DHX58: variants seen among roughly 807,000 people sequenced by gnomAD.
DHX58 encodes DExH-box helicase 58.
A neutral mutation model predicts 65.0 loss-of-function variants in DHX58; 51 were observed. That is an observed-to-expected ratio of 0.78 (90% CI 0.63 to 0.99). DHX58 has a LOEUF of 0.99. DHX58 is among the 50% of genes least tolerant of loss of function. The probability of loss-of-function intolerance (pLI) is 0.00; values close to 1 mark genes in which losing one functional copy is unlikely to be tolerated. For synonymous variants in DHX58, 350 were observed against 365.0 expected, an observed-to-expected ratio of 0.96 and a Z score of 0.47; for missense variants, 773 against 891.8, an observed-to-expected ratio of 0.87 and a Z score of 1.70.
At position 42,103,725 on chromosome 17, in the gene DHX58, T is replaced by C. The variant is rs112616358; in HGVS notation, c.1637A>G (p.Gln546Arg). ...QAAQRENQRQ[Q>R]FPVEHVQLLC... is the part of the protein sequence containing the mutation. ...TAGCTGCACGTGCTCCACTGGGAACTGCTGCCGCTGGTTCTCCCGCTGGGC... is the reference window on the plus strand; with the variant it reads ...TAGCTGCACGTGCTCCACTGGGAACCGCTGCCGCTGGTTCTCCCGCTGGGC... Residue 546 changes from glutamine to arginine, a missense_variant, in exon 12 of 14, where the codon CAG (glutamine) becomes CGG (arginine). By Grantham distance (43) the Gln-to-Arg change is conservative (BLOSUM62 1). Coordinates refer to ENST00000251642, the MANE Select transcript of DHX58 (RefSeq NM_024119.3). 33,203 of 1,613,580 alleles carry C rather than the reference T, an allele frequency of 0.021. 383 individuals are homozygous for C. The highest frequency in any genetic ancestry group is 0.024 in the Non-Finnish European group (28,474 of 1,180,018).
rs541581567 is a variant in DHX58 at position 42,107,959 on chromosome 17, G to A, written c.805+23C>T. 5 of 1,611,990 alleles carry A rather than the reference G, an allele frequency of 3.1e-6. No individual in the cohort carries two copies. The South Asian group carries it at 3.3e-5, about 11-fold the overall frequency. On this transcript the variant is annotated intron_variant, in intron 7 of 13. Transcript: ENST00000251642. ...TGACCACTCCCACATCCTCGCCTCC[G>A]CCAGAAGGGCTGCCCCTCTCACCAG...
In DHX58 at chr17:42,107,691, C is replaced by G; in HGVS notation, c.910G>C (p.Ala304Pro). 6.2e-7 allele frequency: 1 copy of G among 1,612,834 alleles called. No homozygotes were observed. Among genetic ancestry groups the G allele is most frequent in the Non-Finnish European group, 8.5e-7 (1 of 1,179,506 alleles). Reference protein sequence around the residue: ...HDTVRAVDALAALQDFYHREH... With the variant: ...HDTVRAVDALPALQDFYHREH... Reference sequence around the variant, plus strand: ...CTGTGATAGAAATCCTGCAGCGCAGCCAAGGCATCCACGGCGCGGACGGTG... The same window carrying G: ...CTGTGATAGAAATCCTGCAGCGCAGGCAAGGCATCCACGGCGCGGACGGTG... Residue 304 changes from alanine (A) to proline (P), a missense_variant, in exon 8 of 14, where the codon GCT becomes CCT. By Grantham distance (27) the Ala-to-Pro change is conservative. Coordinates refer to ENST00000251642, the MANE Select transcript of DHX58 (RefSeq NM_024119.3).
intron 5 of DHX58, among the ~76,000 whole-genome samples, chr17:42,110,080 G>A (rs1233810007): frequency 6.6e-5 from 10 of 151,756 alleles, no homozygotes; most frequent in African/African-American, 1.5e-4. Context: ...CCAGCTACTC[G>A]GGAGGCTGAG....
chr17:42,107,064 C>T (rs1818959238), intron 8 of DHX58, among the ~76,000 whole-genome samples: 1 of 151,880 alleles, frequency 6.6e-6, no homozygotes, highest in African/African-American at 2.4e-5. Context: ...CCTAGCTAAT[C>T]CTTTTAAAAA....
Position 42,102,121 on chromosome 17 carries a change from G to A in DHX58, c.1851+95C>T, listed in dbSNP as rs952940327. On this transcript the variant is annotated intron_variant, in intron 13 of 13. Transcript: ENST00000251642. ...CTCTTCAGACTGGAGGCCATGGGGT[G>A]GGACTGTCTCCCGTGTCCTAGTGAG... 16 of 1,479,768 alleles carry A rather than the reference G, an allele frequency of 1.1e-5. No homozygotes were observed. The South Asian group carries it at 1.7e-4, about 16-fold the overall frequency. The allele number at this position is 1,479,768 out of a possible 1,614,324, so 91.7% of individuals were successfully genotyped here. A position where few individuals can be genotyped will look rare whatever the true frequency, so the allele number is the denominator to read the frequency against.
At chr17:42,106,103 G>C (rs2054053926) in intron 8 of DHX58, 114 bp from the exon 9 acceptor site, 1 of 1,125,336 alleles carries the variant, frequency 8.9e-7, no homozygotes, top group African/African-American at 1.6e-5. Context: ...AGGCTGAAGA[G>C]AGCTATGATT....
At chr17:42,111,242 GCGA>G (rs1166963786) in intron 4 of DHX58, 51 bp downstream of exon 4, 2 of 1,576,528 alleles carry the variant, frequency 1.3e-6, no homozygotes, top group Non-Finnish European at 1.7e-6. Context: ...CCTGGGGTTG[GCGA>G]AAGGAGGTAC....
intron 6 of DHX58, 41 bp downstream of exon 6, chr17:42,109,229 A>G: frequency 6.4e-7 from 1 of 1,569,618 alleles, no homozygotes; most frequent in Non-Finnish European, 8.7e-7. Context: ...TCCTAACTTC[A>G]CACCGGCTCC....
intron 7 of DHX58, 37 bp downstream of exon 7, chr17:42,107,945 A>G (rs1555663171): frequency 6.2e-7 from 1 of 1,602,238 alleles, no homozygotes; most frequent in African/African-American, 1.4e-5. Flanking sequence ...GACCACTCCC[A>G]CATCCTCGCC....
rs571233642 is a variant in DHX58, at chr17:42,111,829, T to C, written c.64A>G (p.Ile22Val). The stretch of plus-strand genomic sequence containing the variant: ...TTCCCGGCACCCGTGGGCAGCCAGA[T>C]GATGATATTCTTGCCCTCCAGGGCA... ...MPALEGKNII[I>V]WLPTGAGKTR... is the part of the protein sequence containing the mutation. Residue 22 changes from isoleucine (I) to valine (V), a missense_variant, in exon 3 of 14, where the codon ATC becomes GTC. Coordinates refer to ENST00000251642, the MANE Select transcript of DHX58 (RefSeq NM_024119.3). 4.5e-5 allele frequency: 72 copies of C among 1,614,116 alleles called. 1 individual carries two copies. In the South Asian group the frequency reaches 7.0e-4, roughly 16 times the overall value.
At chr17:42,111,622 G>A (rs1332209256) in intron 3 of DHX58, 103 bp downstream of exon 3, 3 of 1,568,318 alleles carry the variant, frequency 1.9e-6, no homozygotes, top group South Asian at 2.4e-5. Context: ...TGAGCTTAGC[G>A]ATGGCCACAG....
At chr17:42,102,475 T>C in intron 12 of DHX58, 163 bp from the exon 13 acceptor site, 2 of 625,992 alleles carry the variant, frequency 3.2e-6, no homozygotes, top group South Asian at 3.8e-5. Context: ...GAGTTCTACC[T>C]GTGTGGCCTC....
chr17:42,111,545 G>A, intron 3 of DHX58, 48 bp from the exon 4 acceptor site: 1 of 1,606,760 alleles, frequency 6.2e-7, no homozygotes. Context: ...TCTGGGGCCA[G>A]GGGTAGGGAG....
rs1555664132 is a variant in DHX58 at position 42,111,330 on chromosome 17, G to A, written c.336C>T (p.Thr112=). The change falls in exon 4 of 14, where the codon ACC becomes ACT. Residue 112 remains threonine, a synonymous_variant. Transcript: ENST00000251642. The stretch of plus-strand genomic sequence containing the variant: ...CCACGTGCTCCTCCTCCTCGGGGCT[G>A]GTCAGTGCCATCTGCAGAAGCTCTG... ...CTAELLQMAL[T]SPEEEEHVEL... is the part of the protein sequence containing the mutation. 1.2e-6 allele frequency: 2 copies of A among 1,614,072 alleles called. No homozygotes were observed. The highest frequency in any genetic ancestry group is 1.7e-6 in the Non-Finnish European group (2 of 1,179,928).
chr17:42,103,330 G>C, intron 12 of DHX58: 1 of 470,826 alleles, frequency 2.1e-6, no homozygotes, highest in South Asian at 2.4e-5. Flanking sequence ...TAGGACCAGA[G>C]GGTCAATGTG....
chr17:42,110,861 G>T lies in DHX58; in HGVS notation c.423C>A (p.Val141=), dbSNP rs782113635. Residue 141 remains valine (V), a synonymous_variant, in exon 5 of 14, where the codon GTC becomes GTA. Coordinates refer to ENST00000251642, the MANE Select transcript of DHX58 (RefSeq NM_024119.3). ...DECHHTHKDT[V]YNVIMSQYLE... is the part of the protein sequence containing the mutation. ...GGTACTGGCTCATGATGACGTTGTAGACGGTGTCCTTGTGCGTGTGGTGGC... is the reference window on the plus strand; with the variant it reads ...GGTACTGGCTCATGATGACGTTGTATACGGTGTCCTTGTGCGTGTGGTGGC... 6.2e-7 allele frequency: 1 copy of T among 1,613,970 alleles called. No individual in the cohort carries two copies. Among genetic ancestry groups the T allele is most frequent in the East Asian group, 2.2e-5 (1 of 44,878 alleles).
In DHX58 at chr17:42,107,602, A is replaced by ACCC; in HGVS notation, c.997+1_997+2insGGG. On this transcript the variant is annotated splice_donor_variant, in intron 8 of 13. Transcript: ENST00000251642. LOFTEE classifies it high-confidence loss of function. ...GCCCCGAAGCCCCCTCCCGCCCCTCACCATCGAACAGGGCCAGCAGCCGGC... is the reference window on the plus strand; with the variant it reads ...GCCCCGAAGCCCCCTCCCGCCCCTCACCCCCATCGAACAGGGCCAGCAGCCGGC... The ACCC allele has an allele frequency of 6.8e-7, 1 of 1,474,874 alleles. No individual in the cohort carries two copies. Among genetic ancestry groups the ACCC allele is most frequent in the Non-Finnish European group, 9.1e-7 (1 of 1,096,386 alleles). 91.4% of individuals were successfully genotyped at this position (1,474,874 alleles called of 1,614,324 possible).
At chr17:42,103,979 A>G (rs2054015994) in intron 11 of DHX58, among the ~76,000 whole-genome samples, 181 bp from the exon 12 acceptor site, 1 of 152,160 alleles carries the variant, frequency 6.6e-6, no homozygotes, top group Non-Finnish European at 1.5e-5. Flanking sequence ...TAATCCCAGC[A>G]TTTTGGGAGG....
intron 12 of DHX58, 47 bp from the exon 13 acceptor site, chr17:42,102,359 C>A: frequency 6.5e-7 from 1 of 1,540,312 alleles, no homozygotes; most frequent in Non-Finnish European, 9.0e-7. Flanking sequence ...CCCTCCTCAG[C>A]CCCGGATCTC....
Sources: gnomAD v4.1 joint callset for allele counts (sites outside exome capture counted in the v4.1 genomes callset) on GRCh38, gnomAD v4.1.1 for gene constraint, MANE v1.5 for transcripts, NCBI Gene and HGNC (gene_info 2026-07-23, HGNC 2026-07-21) for gene names.